The following TBCA variants were observed in gnomAD, a reference collection of about 807,000 sequenced individuals.
The protein encoded by TBCA is tubulin-specific chaperone A.
In TBCA, 6 loss-of-function variants were observed where a neutral mutation model predicts 15.8. The ratio of observed to expected loss-of-function variants is 0.38; its 90% CI spans 0.21 to 0.75. The LOEUF (loss-of-function observed/expected upper bound fraction) is 0.75, where lower values mean the gene tolerates loss of function less well. Ranked by LOEUF, TBCA falls within the 30% of genes least tolerant of loss-of-function variation. TBCA has a pLI of 0.46. For missense variants in TBCA, 90 were observed against 131.2 expected (o/e 0.69, Z 1.53); for synonymous variants, 32 against 42.3 (o/e 0.76, Z 0.94).
chr5:77,762,770 C>T (rs1747671479), intron 1 of TBCA, among the ~76,000 whole-genome samples: 1 of 152,164 alleles, frequency 6.6e-6, no homozygotes, highest in African/African-American at 2.4e-5. Context: ...GTGCACAGTC[C>T]TGGAAACAGG....
chr5:77,727,660 G>C (rs1746661804), intron 1 of TBCA, among the ~76,000 whole-genome samples: 1 of 151,966 alleles, frequency 6.6e-6, no homozygotes, highest in African/African-American at 2.4e-5. Flanking sequence ...AACATAAAAA[G>C]GCAAGAACAT....
chr5:77,731,261 C>T (rs1486418679), intron 1 of TBCA, among the ~76,000 whole-genome samples: 1 of 152,132 alleles, frequency 6.6e-6, no homozygotes, highest in African/African-American at 2.4e-5. Context: ...TGCTTATTTG[C>T]ATTTCTTTGA....
At chr5:77,700,804 A>G (rs946874041) in intron 2 of TBCA, among the ~76,000 whole-genome samples, 6 of 152,230 alleles carry the variant, frequency 3.9e-5, no homozygotes, top group African/African-American at 1.4e-4. Flanking sequence ...CAAAGCAAAC[A>G]AAAACATAAA....
At chr5:77,734,662 A>G (rs184544543) in intron 1 of TBCA, among the ~76,000 whole-genome samples, 5 of 152,374 alleles carry the variant, frequency 3.3e-5, no homozygotes, top group African/African-American at 1.2e-4. Flanking sequence ...CAAAAAAATC[A>G]TAATACTATA....
chr5:77,758,552 G>A (rs1490679647), intron 1 of TBCA, among the ~76,000 whole-genome samples: 1 of 152,210 alleles, frequency 6.6e-6, no homozygotes, highest in East Asian at 1.9e-4. Context: ...GCTCCCAGCT[G>A]AATAAAGCCC....
intron 1 of TBCA, among the ~76,000 whole-genome samples, chr5:77,743,150 A>C (rs1161407603): frequency 6.6e-6 from 1 of 152,256 alleles, no homozygotes; most frequent in Non-Finnish European, 1.5e-5. Flanking sequence ...TCATACCATT[A>C]GACTCAAAAT....
intron 1 of TBCA, among the ~76,000 whole-genome samples, chr5:77,723,853 T>C (rs1172677047): frequency 6.6e-6 from 1 of 152,042 alleles, no homozygotes; most frequent in Non-Finnish European, 1.5e-5. Context: ...AAAAGTAACT[T>C]CTTATGATGT....
chr5:77,722,385 G>A (rs1746546754), intron 1 of TBCA, among the ~76,000 whole-genome samples: 1 of 151,996 alleles, frequency 6.6e-6, no homozygotes, highest in African/African-American at 2.4e-5. Context: ...TTCTTTTATA[G>A]AGGAAAAAGG....
chr5:77,742,518 T>C (rs145567950), intron 1 of TBCA, among the ~76,000 whole-genome samples: 1 of 152,220 alleles, frequency 6.6e-6, no homozygotes, highest in Non-Finnish European at 1.5e-5. Flanking sequence ...CATTTTTTAT[T>C]GTAAAGAAAA....
At chr5:77,699,662 A>C (rs543916000) in intron 2 of TBCA, among the ~76,000 whole-genome samples, 27 of 152,180 alleles carry the variant, frequency 1.8e-4, no homozygotes, top group Non-Finnish European at 3.7e-4. Context: ...TTTAGGACCT[A>C]AGACAAGCAA....
intron 2 of TBCA, among the ~76,000 whole-genome samples, chr5:77,704,422 T>G (rs1273961595): frequency 6.6e-6 from 1 of 151,952 alleles, no homozygotes; most frequent in Non-Finnish European, 1.5e-5. Context: ...TTAGAAGAAG[T>G]AGGAAAGCCA....
At chr5:77,768,840 A>C (rs1747841714) in intron 1 of TBCA, among the ~76,000 whole-genome samples, 1 of 152,246 alleles carries the variant, frequency 6.6e-6, no homozygotes, top group South Asian at 2.1e-4. Flanking sequence ...TAGACATCAC[A>C]CATCTAAGCA....
intron 3 of TBCA, chr5:77,692,586 CCAA>C (rs1745778753): frequency 1.0e-6 from 1 of 985,130 alleles, no homozygotes; most frequent in African/African-American, 1.7e-5. Context: ...CACCTGGCGG[CCAA>C]CATTATTTTT....
intron 1 of TBCA, among the ~76,000 whole-genome samples, chr5:77,772,736 T>C (rs1747942771): frequency 6.6e-6 from 1 of 152,172 alleles, no homozygotes; most frequent in Non-Finnish European, 1.5e-5. Flanking sequence ...TTAAAATGTA[T>C]GGGAGACACT....
At chr5:77,735,301 C>T (rs76731693) in intron 1 of TBCA, among the ~76,000 whole-genome samples, 2,424 of 152,130 alleles carry the variant, frequency 0.016, 76 homozygotes, top group African/African-American at 0.055. Flanking sequence ...ATATTTAATG[C>T]GAAAATCTAC....
intron 2 of TBCA, chr5:77,705,560 A>C: frequency 2.5e-6 from 1 of 398,434 alleles, no homozygotes; most frequent in African/African-American, 2.1e-5. Context: ...GGTAGGGGGG[A>C]CTCACGCTTA....
rs1747818849 is a variant in TBCA at position 77,767,946 on chromosome 5, T to TC, written c.53+8258dup. Among the ~76,000 whole-genome samples, 2 of 152,192 alleles carry TC rather than the reference T, an allele frequency of 1.3e-5. 1 individual carries two copies. Among genetic ancestry groups the TC allele is most frequent in the South Asian group, 4.1e-4 (2 of 4,830 alleles). On this transcript the variant is annotated intron_variant, in intron 1 of 3. Transcript: ENST00000380377. The stretch of plus-strand genomic sequence containing the variant: ...CTTTAGGTGATTAGGTAATGAGGTC[T>TC]CCTCCCTTGTGAATGGGATTAAGGC...
At chr5:77,774,980 T>A (rs1223230118) in intron 1 of TBCA, among the ~76,000 whole-genome samples, 5 of 143,420 alleles carry the variant, frequency 3.5e-5, no homozygotes, top group South Asian at 2.3e-4. Context: ...CTACAAAGAT[T>A]AAAAAAAAAA....
chr5:77,761,386 T>C (rs1371206041), intron 1 of TBCA, among the ~76,000 whole-genome samples: 1 of 152,168 alleles, frequency 6.6e-6, no homozygotes, highest in Non-Finnish European at 1.5e-5. Flanking sequence ...CAGGGTTAAA[T>C]GGATTAAGGG....
Sources: gnomAD v4.1 joint callset for allele counts (sites outside exome capture counted in the v4.1 genomes callset) on GRCh38, gnomAD v4.1.1 for gene constraint, MANE v1.5 for transcripts, NCBI Gene and HGNC (gene_info 2026-07-23, HGNC 2026-07-21) for gene names.